SLC5A11: variants seen among roughly 807,000 people sequenced by gnomAD.
SLC5A11 encodes solute carrier family 5 member 11.
SLC5A11 carries 48 observed loss-of-function variants against 69.8 expected under a neutral mutation model. The ratio of observed to expected loss-of-function variants is 0.69; its 90% confidence interval spans 0.55 to 0.87. The LOEUF (loss-of-function observed/expected upper bound fraction) is 0.87, where lower values mean the gene tolerates loss of function less well. SLC5A11 is among the 40% of genes least tolerant of loss of function. The pLI is 0.00. For missense variants in SLC5A11, 784 were observed against 866.1 expected (o/e 0.91, Z 1.19); for synonymous variants, 319 against 342.4 (o/e 0.93, Z 0.75).
chr16:24,878,168 A>G lies in SLC5A11; in HGVS notation c.583+805A>G, dbSNP rs148005412. Among the ~76,000 whole-genome samples the G allele has an allele frequency of 4.4e-3, 668 of 152,366 alleles. 2 individuals carry two copies. Among genetic ancestry groups the G allele is most frequent in the Non-Finnish European group, 7.0e-3 (479 of 68,036 alleles). ...AGACTCCGTCTCAGAATAAAAAAAG[A>G]TAAAGCATTTTTAAAATGCACCACA... On this transcript the variant is annotated intron_variant, in intron 7 of 15. Transcript: ENST00000347898.
rs184131516 is a variant in SLC5A11 at position 24,862,129 on chromosome 16, T to G, written c.136-472T>G. 6.6e-3 allele frequency: 1,002 copies of G among 152,544 alleles called. 4 individuals carry two copies. Among genetic ancestry groups the G allele is most frequent in the Non-Finnish European group, 0.012 (796 of 68,186 alleles). 9.4% of individuals were successfully genotyped at this position (152,544 alleles called of 1,614,324 possible). A position where few individuals can be genotyped will look rare whatever the true frequency, so the allele number is the denominator to read the frequency against. On this transcript the variant is annotated intron_variant, in intron 2 of 15. Coordinates refer to ENST00000347898, the Ensembl canonical transcript of SLC5A11. ...TCACCCAGTTTCGGGTATTTTGTTATAGTAGTGCAAAGCAGACTGAGACAT... is the reference window on the plus strand; with the variant it reads ...TCACCCAGTTTCGGGTATTTTGTTAGAGTAGTGCAAAGCAGACTGAGACAT...
intron 2 of SLC5A11, 51 bp from the exon 4 acceptor site, chr16:24,862,550 C>T: frequency 6.6e-7 from 1 of 1,526,484 alleles, no homozygotes. Flanking sequence ...TTTTGAGATG[C>T]CTCTGATTGC....
At position 24,868,287 on chromosome 16, in the gene SLC5A11, C is replaced by CAA. The variant is rs374049168; in HGVS notation, c.208-1599_208-1598dup. ...AACACAAATGCTTTACAGATTCTTC[C>CAA]AAAAAAAAAAAAAAAATTAGAGGCC... On this transcript the variant is annotated intron_variant, in intron 3 of 15. Transcript: ENST00000347898. 3.4e-3 allele frequency among the ~76,000 whole-genome samples: 439 copies of CAA among 129,098 alleles called. 1 individual carries two copies. Among genetic ancestry groups the CAA allele is most frequent in the South Asian group, 7.6e-3 (31 of 4,096 alleles). The allele number at this position is 129,098 out of a possible 152,430, so 84.7% of individuals were successfully genotyped here. A position where few individuals can be genotyped will look rare whatever the true frequency, so the allele number is the denominator to read the frequency against.
In SLC5A11 at chr16:24,906,642, G is replaced by A; in HGVS notation, c.1007-15G>A. On this transcript the variant is annotated splice_polypyrimidine_tract_variant and intron_variant, in intron 10 of 15. Transcript: ENST00000347898. Reference sequence around the variant, plus strand: ...GGCCTGACTGCTCACCTCTGGGCCTGTGTTTCCTTCGTAGATCAAGTGGCC... The same window carrying A: ...GGCCTGACTGCTCACCTCTGGGCCTATGTTTCCTTCGTAGATCAAGTGGCC... 2 of 1,590,752 alleles carry A rather than the reference G, an allele frequency of 1.3e-6. No homozygotes were observed. Among genetic ancestry groups the A allele is most frequent in the South Asian group, 1.1e-5 (1 of 87,264 alleles).
chr16:24,888,050 A>G (rs1313169603), intron 8 of SLC5A11, among the ~76,000 whole-genome samples: 2 of 152,186 alleles, frequency 1.3e-5, no homozygotes, highest in African/African-American at 4.8e-5. Context: ...TATAAATTCT[A>G]CAAATGAATA....
chr16:24,885,994 C>T (rs1034182633), intron 8 of SLC5A11, among the ~76,000 whole-genome samples: 16 of 150,342 alleles, frequency 1.1e-4, no homozygotes, highest in African/African-American at 2.4e-4. Context: ...GCAGAACAAA[C>T]GCTAAAGAAA....
intron 1 of SLC5A11, among the ~76,000 whole-genome samples, chr16:24,849,593 A>AAAT: frequency 1.4e-4 from 5 of 35,912 alleles, no homozygotes; most frequent in South Asian, 2.5e-3. Context: ...AAAAAAAAAA[A>AAAT]ATATATATAT....
At chr16:24,857,897 A>T (rs893436621) in intron 1 of SLC5A11, among the ~76,000 whole-genome samples, 7 of 152,186 alleles carry the variant, frequency 4.6e-5, no homozygotes, top group African/African-American at 1.7e-4. Context: ...CTACCACAAG[A>T]TTTCCTTAAA....
exon 16 of SLC5A11, chr16:24,911,567 C>G: frequency 1.3e-6 from 2 of 1,583,246 alleles, no homozygotes; most frequent in Admixed American, 1.7e-5. Context: ...AACTCTGTTT[C>G]TCTTCAGTGC....
At chr16:24,862,348 C>A (rs1174170281) in intron 2 of SLC5A11, among the ~76,000 whole-genome samples, 5 of 152,248 alleles carry the variant, frequency 3.3e-5, no homozygotes, top group Admixed American at 2.0e-4. Flanking sequence ...CTAGGGAGAC[C>A]AAGTAGGTTA....
At chr16:24,858,691 G>T in exon 2 of SLC5A11, 2 of 1,611,712 alleles carry the variant, frequency 1.2e-6, no homozygotes, top group Non-Finnish European at 1.7e-6. Context: ...TAGATCCCCT[G>T]GATGCGTTTC....
At chr16:24,904,882 A>T (rs1350880509) in intron 10 of SLC5A11, among the ~76,000 whole-genome samples, 1 of 152,046 alleles carries the variant, frequency 6.6e-6, no homozygotes, top group African/African-American at 2.4e-5. Context: ...TCAACCTGTC[A>T]TCTAGGTTTT....
At chr16:24,871,617 A>G (rs761058993) in intron 4 of SLC5A11, among the ~76,000 whole-genome samples, 1 of 152,122 alleles carries the variant, frequency 6.6e-6, no homozygotes, top group Non-Finnish European at 1.5e-5. Flanking sequence ...CATAATAGGC[A>G]TATTAATGGT....
chr16:24,898,003 G>A, exon 10 of SLC5A11: 1 of 1,614,114 alleles, frequency 6.2e-7, no homozygotes, highest in Non-Finnish European at 8.5e-7. Context: ...TGGCTGCCAA[G>A]AACCTGTCCC....
chr16:24,877,275 T>G (rs2047735818), exon 7 of SLC5A11: 1 of 1,614,098 alleles, frequency 6.2e-7, no homozygotes, highest in Non-Finnish European at 8.5e-7. Context: ...TGTATGCAGG[T>G]GCCATCTTCA....
At chr16:24,901,975 C>T (rs548502698) in intron 10 of SLC5A11, among the ~76,000 whole-genome samples, 7 of 150,852 alleles carry the variant, frequency 4.6e-5, no homozygotes, top group Admixed American at 1.3e-4. Flanking sequence ...CACACACACA[C>T]ACACACATAT....
intron 10 of SLC5A11, among the ~76,000 whole-genome samples, chr16:24,902,467 T>G (rs910332840): frequency 6.6e-6 from 1 of 152,046 alleles, no homozygotes; most frequent in Non-Finnish European, 1.5e-5. Flanking sequence ...AAATTATGCC[T>G]GAAGACCTGG....
At position 24,899,843 on chromosome 16, in the gene SLC5A11, C is replaced by T. The variant is rs573822479; in HGVS notation, c.1006+1734C>T. ...CTCAGTCTCCTTAGTAGCTGGACTA[C>T]GGGTGCCCACCACCATGCCCAGCTG... On this transcript the variant is annotated intron_variant, in intron 10 of 15. Coordinates refer to ENST00000347898, the Ensembl canonical transcript of SLC5A11. Among the ~76,000 whole-genome samples, 92 of 152,180 alleles carry T rather than the reference C, an allele frequency of 6.0e-4. 1 individual carries two copies. In the South Asian group the frequency reaches 0.017, roughly 28 times the overall value.
At chr16:24,908,018 G>C (rs1259005202) in exon 13 of SLC5A11, 1 of 1,613,884 alleles carries the variant, frequency 6.2e-7, no homozygotes, top group Admixed American at 1.7e-5. Context: ...TGTGGTCCAG[G>C]CCAGCCAGGG....
Sources: gnomAD v4.1 joint callset for allele counts (sites outside exome capture counted in the v4.1 genomes callset) on GRCh38, gnomAD v4.1.1 for gene constraint, MANE v1.5 for transcripts, NCBI Gene and HGNC (gene_info 2026-07-23, HGNC 2026-07-21) for gene names.